The following MSMP variants were observed in gnomAD, a reference collection of about 807,000 sequenced individuals.
MSMP encodes the protein microseminoprotein, prostate associated, also known as prostate-associated microseminoprotein.
A neutral mutation model predicts 15.8 loss-of-function variants in MSMP; 9 were observed. The observed-to-expected ratio is 0.57, with a 90% confidence interval of 0.34 to 0.99. MSMP has a LOEUF of 0.99. Ranked by LOEUF, MSMP falls within the 50% of genes least tolerant of loss-of-function variation. MSMP has a pLI of 0.02. For synonymous variants in MSMP, 64 were observed against 64.4 expected, an observed-to-expected ratio of 0.99 and a Z score of 0.03; for missense variants, 170 against 173.4, an observed-to-expected ratio of 0.98 and a Z score of 0.11.
rs1827308799 is a variant in MSMP, at chr9:35,753,587, T to C, written c.239+73A>G. 1 of 1,272,048 alleles carries C rather than the reference T, an allele frequency of 7.9e-7. No homozygotes were observed. Among genetic ancestry groups the C allele is most frequent in the African/African-American group, 1.5e-5 (1 of 67,504 alleles). The allele number at this position is 1,272,048 out of a possible 1,614,324, so 78.8% of individuals were successfully genotyped here. A position where few individuals can be genotyped will look rare whatever the true frequency, so the allele number is the denominator to read the frequency against. ...TCTGTTCATTCTTACATCACAGCAATCTAGTCACTCCCTGGTCATCCCTCA... is the reference window on the plus strand; with the variant it reads ...TCTGTTCATTCTTACATCACAGCAACCTAGTCACTCCCTGGTCATCCCTCA... On this transcript the variant is annotated intron_variant, in intron 2 of 2. Transcript: ENST00000436428. The surrounding 1 kb of genome is among the most constrained non-coding windows in gnomAD (Gnocchi z 4.2).
Position 35,754,029 on chromosome 9 carries a change from ACTC to A in MSMP, c.98_100del (p.Gly33del). 6.2e-7 allele frequency: 1 copy of A among 1,613,254 alleles called. No individual in the cohort carries two copies. Among genetic ancestry groups the A allele is most frequent in the East Asian group, 2.2e-5 (1 of 44,844 alleles). On this transcript the variant is annotated inframe_deletion, in exon 1 of 3. Transcript: ENST00000436428. ...AGCTTGGAAGTAGCACTTGCTGTAG[ACTC>A]CTGGGTGCTGGAGGAGTAGAGACAT...
chr9:35,753,043 G>A lies in MSMP; in HGVS notation c.*57C>T. On this transcript the variant is annotated 3_prime_UTR_variant, in exon 3 of 3. Transcript: ENST00000436428. The surrounding 1 kb of genome is among the most constrained non-coding windows in gnomAD (Gnocchi z 4.2). ...CAGAATACATTGGCAGCTGCTAGTG[G>A]TTTCCCTGGAAGTGGCAGCAGCAGT... 1 of 1,589,842 alleles carries A rather than the reference G, an allele frequency of 6.3e-7. No homozygotes were observed. Among genetic ancestry groups the A allele is most frequent in the Admixed American group, 1.7e-5 (1 of 58,744 alleles).
chr9:35,753,146 G>C lies in MSMP; in HGVS notation c.374C>G (p.Ser125Ter). The C allele has an allele frequency of 6.2e-7, 1 of 1,614,216 alleles. No homozygotes were observed. The highest frequency in any genetic ancestry group is 8.5e-7 in the Non-Finnish European group (1 of 1,180,030). Residue 125 changes from serine to a stop codon, truncating the protein, a stop_gained, in exon 3 of 3, where the codon TCA (serine) becomes TGA (stop). Transcript: ENST00000436428. LOFTEE classifies it high-confidence loss of function. This position sits in a 1 kb window ranked among gnomAD's most constrained non-coding sequence, Gnocchi z 4.2. ...AGCCCCAGGAACAGGGGTGTTGGCT[G>C]AGCCCCATTCTGGGTCAGGCCCTCC... ...KGGGPDPEWG[S>*]ANTPVPGAPA... is the part of the protein sequence containing the mutation.
chr9:35,753,778 A>G lies in MSMP; in HGVS notation c.131-10T>C, dbSNP rs1306678779. The G allele has an allele frequency of 6.2e-7, 1 of 1,611,810 alleles. No homozygotes were observed. The highest frequency in any genetic ancestry group is 2.2e-5 in the East Asian group (1 of 44,882). On this transcript the variant is annotated splice_polypyrimidine_tract_variant and intron_variant, in intron 1 of 2. Coordinates refer to ENST00000436428, the MANE Select transcript of MSMP (RefSeq NM_001044264.3). The surrounding 1 kb of genome is among the most constrained non-coding windows in gnomAD (Gnocchi z 4.2). ...TCATAGTGACAGGGGGCTAGGGAAG[A>G]ACGGGAAATGTTAGTAGGTGTAGGA...
At position 35,753,130 on chromosome 9, in the gene MSMP, A is replaced by C; in HGVS notation, c.390T>G (p.Val130=). 1 of 1,614,212 alleles carries C rather than the reference A, an allele frequency of 6.2e-7. No individual in the cohort carries two copies. The highest frequency in any genetic ancestry group is 8.5e-7 in the Non-Finnish European group (1 of 1,180,024). The change falls in exon 3 of 3, where the codon GTT becomes GTG. Residue 130 remains valine, a synonymous_variant. Transcript: ENST00000436428. The surrounding 1 kb of genome is among the most constrained non-coding windows in gnomAD (Gnocchi z 4.2). ...TGGAGTGGGGAGCAGGAGCCCCAGG[A>C]ACAGGGGTGTTGGCTGAGCCCCATT... is the stretch of plus-strand genomic sequence containing the variant. ...DPEWGSANTP[V]PGAPAPHSS is the part of the protein sequence containing the mutation.
In MSMP at chr9:35,754,123, G is replaced by C. The variant is rs749891428; in HGVS notation, c.7C>G (p.Leu3Val). 1.9e-6 allele frequency: 3 copies of C among 1,612,610 alleles called. No individual in the cohort carries two copies. In the East Asian group the frequency reaches 6.7e-5, roughly 36 times the overall value. Residue 3 changes from leucine (L) to valine (V), a missense_variant, in exon 1 of 3, where the codon CTA becomes GTA. By Grantham distance (32) the Leu-to-Val change is conservative. Transcript: ENST00000436428. Reference sequence around the variant, plus strand: ...GCCTGTCCAGCCCAGAGCATCCTTAGGGCCATTGCTGCTGCACAGCCCTCT... The same window carrying C: ...GCCTGTCCAGCCCAGAGCATCCTTACGGCCATTGCTGCTGCACAGCCCTCT... MALRMLWAGQAKG... is the reference protein window; with the variant it reads MAVRMLWAGQAKG...
In MSMP at chr9:35,753,616, A is replaced by G. The variant is rs1827309141; in HGVS notation, c.239+44T>C. On this transcript the variant is annotated intron_variant, in intron 2 of 2. Transcript: ENST00000436428. The surrounding 1 kb of genome is among the most constrained non-coding windows in gnomAD (Gnocchi z 4.2). ...GTCACTCCCTGGTCATCCCTCAGTCACTCATATCAGAGTCATTCTCTCTGG... is the reference window on the plus strand; with the variant it reads ...GTCACTCCCTGGTCATCCCTCAGTCGCTCATATCAGAGTCATTCTCTCTGG... The G allele has an allele frequency of 4.7e-6, 7 of 1,486,350 alleles. No individual in the cohort carries two copies. The highest frequency in any genetic ancestry group is 1.1e-5 in the South Asian group (1 of 87,040). The allele number at this position is 1,486,350 out of a possible 1,614,324, so 92.1% of individuals were successfully genotyped here.
rs771269916 is a variant in MSMP, at chr9:35,753,196, A to G, written c.324T>C (p.Ser108=). The change falls in exon 3 of 3, where the codon TCT becomes TCC. Residue 108 remains serine (S), a synonymous_variant. Coordinates refer to ENST00000436428, the MANE Select transcript of MSMP (RefSeq NM_001044264.3). The surrounding 1 kb of genome is among the most constrained non-coding windows in gnomAD (Gnocchi z 4.2). ...CCCCTTTGCAGGGCAGCCGAGGGTC[A>G]GATTTTTGCACCAAGGAGAACTGGC... ...GTCQFSLVQK[S]DPRLPCKGGG... 6.2e-7 allele frequency: 1 copy of G among 1,614,170 alleles called. No individual in the cohort carries two copies. The highest frequency in any genetic ancestry group is 1.1e-5 in the South Asian group (1 of 91,084).
In MSMP at chr9:35,753,856, G is replaced by A. The variant is rs1039887040; in HGVS notation, c.131-88C>T. On this transcript the variant is annotated intron_variant, in intron 1 of 2. Coordinates refer to ENST00000436428, the MANE Select transcript of MSMP (RefSeq NM_001044264.3). The surrounding 1 kb of genome is among the most constrained non-coding windows in gnomAD (Gnocchi z 4.2). The stretch of plus-strand genomic sequence containing the variant: ...GGTCTGGGGTGGAGACAGTAAGTAC[G>A]CACTATCCCCGTATTTAGTTTGTCT... 10 of 1,513,774 alleles carry A rather than the reference G, an allele frequency of 6.6e-6. No homozygotes were observed. The highest frequency in any genetic ancestry group is 5.9e-5 in the South Asian group (5 of 84,452). 93.8% of individuals were successfully genotyped at this position (1,513,774 alleles called of 1,614,324 possible). A position where few individuals can be genotyped will look rare whatever the true frequency, so the allele number is the denominator to read the frequency against.
chr9:35,753,717 C>T lies in MSMP; in HGVS notation c.182G>A (p.Arg61His), dbSNP rs780563187. Residue 61 changes from arginine (R) to histidine (H), a missense_variant, in exon 2 of 3, where the codon CGC becomes CAC. By Grantham distance (29) the Arg-to-His change is conservative. Coordinates refer to ENST00000436428, the MANE Select transcript of MSMP (RefSeq NM_001044264.3). The surrounding 1 kb of genome is among the most constrained non-coding windows in gnomAD (Gnocchi z 4.2). ...KYFTLGESWL[R>H]KDCFHCTCLH... ...ACAGGTGCAATGGAAACAGTCCTTG[C>T]GGAGCCAAGACTCACCCAGGGTAAA... The T allele has an allele frequency of 9.9e-6, 16 of 1,614,002 alleles. No homozygotes were observed. The highest frequency in any genetic ancestry group is 1.6e-4 in the Middle Eastern group (1 of 6,080).
chr9:35,753,830 TG>T lies in MSMP; in HGVS notation c.131-63del, dbSNP rs1827315077. 2.6e-6 allele frequency: 4 copies of T among 1,542,270 alleles called. No individual in the cohort carries two copies. Among genetic ancestry groups the T allele is most frequent in the African/African-American group, 2.7e-5 (2 of 73,492 alleles). ...TGCTGATGAGAGGCAGAGGCTCTTC[TG>T]GTCTGGGGTGGAGACAGTAAGTACG... On this transcript the variant is annotated intron_variant, in intron 1 of 2. Coordinates refer to ENST00000436428, the MANE Select transcript of MSMP (RefSeq NM_001044264.3). The surrounding 1 kb of genome is among the most constrained non-coding windows in gnomAD (Gnocchi z 4.2).
At position 35,753,040 on chromosome 9, in the gene MSMP, G is replaced by A. The variant is rs1827295034; in HGVS notation, c.*60C>T. On this transcript the variant is annotated 3_prime_UTR_variant, in exon 3 of 3. Transcript: ENST00000436428. The surrounding 1 kb of genome is among the most constrained non-coding windows in gnomAD (Gnocchi z 4.2). ...GTTCAGAATACATTGGCAGCTGCTAGTGGTTTCCCTGGAAGTGGCAGCAGC... is the reference window on the plus strand; with the variant it reads ...GTTCAGAATACATTGGCAGCTGCTAATGGTTTCCCTGGAAGTGGCAGCAGC... 5.0e-6 allele frequency: 8 copies of A among 1,586,766 alleles called. No homozygotes were observed. The highest frequency in any genetic ancestry group is 4.0e-5 in the African/African-American group (3 of 74,284).
At position 35,754,184 on chromosome 9, in the gene MSMP, C is replaced by A; in HGVS notation, c.-55G>T. On this transcript the variant is annotated 5_prime_UTR_variant, in exon 1 of 3. Coordinates refer to ENST00000436428, the MANE Select transcript of MSMP (RefSeq NM_001044264.3). ...TTGGCCTCTGCTCAGCTACTCTGGT[C>A]TTGACTCCTTGACTTTGCTTTGCGT... The A allele has an allele frequency of 1.3e-6, 2 of 1,559,582 alleles. No individual in the cohort carries two copies. The highest frequency in any genetic ancestry group is 2.4e-5 in the South Asian group (2 of 84,334).
At position 35,753,545 on chromosome 9, in the gene MSMP, C is replaced by T. The variant is rs1270610643; in HGVS notation, c.239+115G>A. 1.1e-6 allele frequency: 1 copy of T among 944,172 alleles called. No homozygotes were observed. Among genetic ancestry groups the T allele is most frequent in the African/African-American group, 1.6e-5 (1 of 60,938 alleles). 58.5% of individuals were successfully genotyped at this position (944,172 alleles called of 1,614,324 possible). On this transcript the variant is annotated intron_variant, in intron 2 of 2. Transcript: ENST00000436428. This position sits in a 1 kb window ranked among gnomAD's most constrained non-coding sequence, Gnocchi z 4.2. Reference sequence around the variant, plus strand: ...TAGTGTTGGTCCCTTCAGGTTTGGCCCATCTTGTATTGCTCTTCTGTTCAT... The same window carrying T: ...TAGTGTTGGTCCCTTCAGGTTTGGCTCATCTTGTATTGCTCTTCTGTTCAT...
In MSMP at chr9:35,753,162, C is replaced by G; in HGVS notation, c.358G>C (p.Asp120His). ...PRLPCKGGGP[D>H]PEWGSANTPV... ...GTGTTGGCTGAGCCCCATTCTGGGT[C>G]AGGCCCTCCCCCTTTGCAGGGCAGC... The change falls in exon 3 of 3, where the codon GAC (aspartate) becomes CAC (histidine). Residue 120 changes from aspartate (D) to histidine (H), a missense_variant. Coordinates refer to ENST00000436428, the MANE Select transcript of MSMP (RefSeq NM_001044264.3). The surrounding 1 kb of genome is among the most constrained non-coding windows in gnomAD (Gnocchi z 4.2). 1 of 1,614,176 alleles carries G rather than the reference C, an allele frequency of 6.2e-7. No homozygotes were observed.
chr9:35,753,470 G>T lies in MSMP; in HGVS notation c.239+190C>A. 1.3e-6 allele frequency: 1 copy of T among 777,356 alleles called. No homozygotes were observed. The highest frequency in any genetic ancestry group is 2.1e-6 in the Non-Finnish European group (1 of 487,754). 48.2% of individuals were successfully genotyped at this position (777,356 alleles called of 1,614,324 possible). On this transcript the variant is annotated intron_variant, in intron 2 of 2. Transcript: ENST00000436428. The surrounding 1 kb of genome is among the most constrained non-coding windows in gnomAD (Gnocchi z 4.2). Reference sequence around the variant, plus strand: ...TATAACAGGAGTATTTTCTCTCCAGGTCCACCCCAACCTCCCCTGATTTAT... The same window carrying T: ...TATAACAGGAGTATTTTCTCTCCAGTTCCACCCCAACCTCCCCTGATTTAT...
chr9:35,753,838 G>A lies in MSMP; in HGVS notation c.131-70C>T, dbSNP rs1048485593. 6.5e-7 allele frequency: 1 copy of A among 1,534,346 alleles called. No individual in the cohort carries two copies. Among genetic ancestry groups the A allele is most frequent in the South Asian group, 1.1e-5 (1 of 87,378 alleles). On this transcript the variant is annotated intron_variant, in intron 1 of 2. Coordinates refer to ENST00000436428, the MANE Select transcript of MSMP (RefSeq NM_001044264.3). The surrounding 1 kb of genome is among the most constrained non-coding windows in gnomAD (Gnocchi z 4.2). Reference sequence around the variant, plus strand: ...AGAGGCAGAGGCTCTTCTGGTCTGGGGTGGAGACAGTAAGTACGCACTATC... The same window carrying A: ...AGAGGCAGAGGCTCTTCTGGTCTGGAGTGGAGACAGTAAGTACGCACTATC...
Position 35,753,628 on chromosome 9 carries a change from G to A in MSMP, c.239+32C>T. Reference sequence around the variant, plus strand: ...TCATCCCTCAGTCACTCATATCAGAGTCATTCTCTCTGGCCATCTTTGGTC... The same window carrying A: ...TCATCCCTCAGTCACTCATATCAGAATCATTCTCTCTGGCCATCTTTGGTC... On this transcript the variant is annotated intron_variant, in intron 2 of 2. Transcript: ENST00000436428. The surrounding 1 kb of genome is among the most constrained non-coding windows in gnomAD (Gnocchi z 4.2). 6.5e-7 allele frequency: 1 copy of A among 1,546,922 alleles called. No individual in the cohort carries two copies. Among genetic ancestry groups the A allele is most frequent in the Non-Finnish European group, 8.9e-7 (1 of 1,121,292 alleles).
Position 35,754,260 on chromosome 9 carries a change from ACTATCTCCCTGCCCTC to A in MSMP, c.-147_-132del. 8.6e-7 allele frequency: 1 copy of A among 1,168,846 alleles called. No individual in the cohort carries two copies. The highest frequency in any genetic ancestry group is 1.2e-6 in the Non-Finnish European group (1 of 843,720). The allele number at this position is 1,168,846 out of a possible 1,614,324, so 72.4% of individuals were successfully genotyped here. ...TTTCTCCCCTGGGCTCCTGTCTCAC[ACTATCTCCCTGCCCTC>A]TGCTCTCACAGGCTGGGGATGTTTA... On this transcript the variant is annotated 5_prime_UTR_variant, in exon 1 of 3. Coordinates refer to ENST00000436428, the MANE Select transcript of MSMP (RefSeq NM_001044264.3).
Sources: allele counts gnomAD v4.1 joint callset, GRCh38; gene constraint gnomAD v4.1.1; non-coding constraint Gnocchi (gnomAD v3.1); transcripts MANE v1.5; gene names NCBI Gene and HGNC (gene_info 2026-07-23, HGNC 2026-07-21).